Variants in TAB3 observed in about 807,000 individuals in gnomAD.
The protein encoded by TAB3 is TGF-beta-activated kinase 1 and MAP3K7-binding protein 3.
In TAB3, 18 loss-of-function variants were observed where a neutral mutation model predicts 48.1. The observed-to-expected ratio is 0.37, with a 90% CI of 0.26 to 0.55. The LOEUF is 0.55. Ranked by LOEUF, TAB3 falls within the 20% of genes least tolerant of loss-of-function variation. The pLI is 0.78. For missense variants in TAB3, 414 were observed against 549.8 expected, an observed-to-expected ratio of 0.75 and a Z score of 2.47; for synonymous variants, 185 against 190.2, an observed-to-expected ratio of 0.97 and a Z score of 0.22.
chrX:30,860,762 T>C (rs1239364876), intron 4 of TAB3, among the ~76,000 whole-genome samples: 1 of 111,752 alleles, frequency 8.9e-6, no homozygotes, highest in Non-Finnish European at 1.9e-5. Context: ...AATAAATGAG[T>C]GGATCCACTG....
chrX:30,853,037 T>C (rs934292948), intron 6 of TAB3, 99 bp from the exon 7 acceptor site: 4 of 876,092 alleles, frequency 4.6e-6, no homozygotes, highest in African/African-American at 2.0e-5. Context: ...CTCATTCAAC[T>C]TGGGGGTTGG....
rs7063630 is a variant in TAB3, at chrX:30,832,064, A to T, written c.1991-489T>A. Among the ~76,000 whole-genome samples, 520 of 112,215 alleles carry T rather than the reference A, an allele frequency of 4.6e-3. 3 individuals are homozygous for T. Among genetic ancestry groups the T allele is most frequent in the African/African-American group, 0.016 (491 of 30,910 alleles). The stretch of plus-strand genomic sequence containing the variant: ...CTACAATATGCATATGTTTTATATT[A>T]ATGGTTCATAAATAGCAGTGGCAGT... On this transcript the variant is annotated intron_variant, in intron 10 of 10. Transcript: ENST00000288422.
intron 8 of TAB3, chrX:30,846,031 G>A (rs1415205401): frequency 9.9e-7 from 1 of 1,015,222 alleles, no homozygotes; most frequent in Non-Finnish European, 1.3e-6. Context: ...TGGTGAGTTG[G>A]GTAAATGAAA....
intron 7 of TAB3, among the ~76,000 whole-genome samples, chrX:30,849,782 C>T (rs910780264): frequency 1.8e-5 from 2 of 111,833 alleles, no homozygotes; most frequent in South Asian, 3.7e-4. Flanking sequence ...AATGGGAAAT[C>T]TGACTAAATG....
intron 5 of TAB3, among the ~76,000 whole-genome samples, chrX:30,858,596 T>C (rs1281051666): frequency 8.9e-6 from 1 of 112,156 alleles, no homozygotes. Flanking sequence ...AAGGTAGAGT[T>C]TGAACATGAG....
At chrX:30,855,739 A>G (rs1368685888) in intron 5 of TAB3, among the ~76,000 whole-genome samples, 177 bp from the exon 6 acceptor site, 1 of 112,141 alleles carries the variant, frequency 8.9e-6, no homozygotes, top group Admixed American at 9.4e-5. Flanking sequence ...CAAACGATTC[A>G]TATTATTTTA....
intron 1 of TAB3, among the ~76,000 whole-genome samples, chrX:30,878,990 T>C (rs1236597977): frequency 9.0e-6 from 1 of 111,488 alleles, no homozygotes; most frequent in African/African-American, 3.3e-5. Context: ...AATATGTATG[T>C]CAGGAAGGAA....
In TAB3 at chrX:30,859,684, T is replaced by TAAA; in HGVS notation, c.-90-9_-90-7dup. On this transcript the variant is annotated splice_polypyrimidine_tract_variant and splice_region_variant and intron_variant, in intron 4 of 10. Coordinates refer to ENST00000288422, the MANE Select transcript of TAB3 (RefSeq NM_152787.5). ...TCTAGCACCACAGTCATTTTCTATT[T>TAAA]AAAAAAAAAAAAAAAGTATGGTTAA... is the stretch of plus-strand genomic sequence containing the variant. 2.2e-6 allele frequency: 1 copy of TAAA among 463,797 alleles called. No homozygotes were observed. Among genetic ancestry groups the TAAA allele is most frequent in the Non-Finnish European group, 3.6e-6 (1 of 279,689 alleles). The allele number at this position is 463,797 out of a possible 1,213,427, so 38.2% of individuals were successfully genotyped here.
intron 1 of TAB3, among the ~76,000 whole-genome samples, chrX:30,874,814 T>C (rs1349686515): frequency 8.9e-6 from 1 of 112,112 alleles, no homozygotes; most frequent in Non-Finnish European, 1.9e-5. Flanking sequence ...CAAGAGTGAC[T>C]GGAGAAGCAA....
chrX:30,847,789 G>A (rs1938679999), intron 7 of TAB3, among the ~76,000 whole-genome samples: 1 of 111,430 alleles, frequency 9.0e-6, no homozygotes, highest in Admixed American at 9.6e-5. Flanking sequence ...GCTATTATCA[G>A]AGTAACTGAG....
intron 9 of TAB3, among the ~76,000 whole-genome samples, chrX:30,837,371 C>T (rs920497655): frequency 3.6e-5 from 4 of 111,219 alleles, no homozygotes; most frequent in Admixed American, 1.9e-4. Flanking sequence ...CATATTAACA[C>T]GAACATCACC....
intron 5 of TAB3, among the ~76,000 whole-genome samples, chrX:30,857,107 CAAAT>C (rs1939101122): frequency 1.8e-5 from 2 of 111,698 alleles, no homozygotes; most frequent in South Asian, 7.3e-4. Flanking sequence ...TACTAAAATT[CAAAT>C]ACTTTAAAAA....
chrX:30,869,456 G>C (rs913098886), intron 2 of TAB3, among the ~76,000 whole-genome samples: 6 of 112,077 alleles, frequency 5.4e-5, no homozygotes, highest in African/African-American at 1.9e-4. Context: ...AAGTCACTGT[G>C]TGTTGATTAT....
intron 2 of TAB3, among the ~76,000 whole-genome samples, chrX:30,868,603 AGAGAGAGAGAGAGAGC>A (rs1254555248): frequency 2.8e-5 from 2 of 71,910 alleles, no homozygotes; most frequent in East Asian, 8.6e-4. Context: ...AGAGAGAGAG[AGAGAGAGAGAGAGAGC>A]GCGTGGGGGG....
At chrX:30,869,351 C>T (rs1483128619) in intron 2 of TAB3, among the ~76,000 whole-genome samples, 1 of 111,841 alleles carries the variant, frequency 8.9e-6, no homozygotes, top group East Asian at 2.8e-4. Flanking sequence ...TGAGCCACTG[C>T]GCCCAGCCTT....
intron 4 of TAB3, among the ~76,000 whole-genome samples, chrX:30,864,540 CTCCCCCAGAGCTCTGCTCTAATGCCACAA>C (rs1396623692): frequency 8.9e-6 from 1 of 112,059 alleles, no homozygotes; most frequent in Non-Finnish European, 1.9e-5. Context: ...AGAGAGGAAG[CTCCCCCAGAGCTCTGCTCTAATGCCACAA>C]TTCCCCACAC....
chrX:30,885,647 G>A (rs937645024), intron 1 of TAB3, among the ~76,000 whole-genome samples: 1 of 111,611 alleles, frequency 9.0e-6, no homozygotes, highest in East Asian at 2.8e-4. Flanking sequence ...CGAAGATGGC[G>A]GCCTGCTGAA....
chrX:30,868,623 TG>T (rs1211515087), intron 2 of TAB3, among the ~76,000 whole-genome samples: 2 of 54,827 alleles, frequency 3.6e-5, no homozygotes, highest in Non-Finnish European at 6.6e-5. Context: ...AGAGAGCGCG[TG>T]GGGGGGAGAG....
chrX:30,863,265 A>G (rs191881062), intron 4 of TAB3, among the ~76,000 whole-genome samples: 3 of 112,702 alleles, frequency 2.7e-5, no homozygotes, highest in African/African-American at 9.7e-5. Flanking sequence ...ACAGTAATAT[A>G]TAACACTCTC....
Sources: gnomAD v4.1 joint callset for allele counts (sites outside exome capture counted in the v4.1 genomes callset) on GRCh38, gnomAD v4.1.1 for gene constraint, MANE v1.5 for transcripts, NCBI Gene and HGNC (gene_info 2026-07-23, HGNC 2026-07-21) for gene names.